ZNF239: variants seen among roughly 807,000 people sequenced by gnomAD.
The protein encoded by ZNF239 is zinc finger protein (C2H2) homologous to mouse MOK-2.
Under a neutral mutation model 27.5 loss-of-function variants are expected in ZNF239, and 16 were observed. The ratio of observed to expected loss-of-function variants is 0.58; its 90% CI spans 0.39 to 0.88. ZNF239 has a LOEUF of 0.88. Ranked by LOEUF, ZNF239 falls within the 40% of genes least tolerant of loss-of-function variation. ZNF239 has a pLI of 0.00. For synonymous variants in ZNF239, 199 were observed against 192.6 expected (o/e 1.03, Z -0.27); for missense variants, 527 against 551.9 (o/e 0.95, Z 0.45).
intron 3 of ZNF239, among the ~76,000 whole-genome samples, chr10:43,558,685 G>C (rs1287799203): frequency 6.6e-6 from 1 of 152,180 alleles, no homozygotes; most frequent in Non-Finnish European, 1.5e-5. Context: ...CTGGCCTCAA[G>C]TGATCCATCC....
At position 43,556,695 on chromosome 10, in the gene ZNF239, A is replaced by T. The variant is rs377192591; in HGVS notation, c.*8T>A. 228 of 1,610,510 alleles carry T rather than the reference A, an allele frequency of 1.4e-4. No individual in the cohort carries two copies. The highest frequency in any genetic ancestry group is 1.8e-4 in the Non-Finnish European group (217 of 1,178,132). On this transcript the variant is annotated 3_prime_UTR_variant, in exon 4 of 4. Transcript: ENST00000374446. ...AGCGCTGTGAAGACCTGAATGGGCT[A>T]ATGTCAGTTAGCGAGGATCTTTCTT...
At chr10:43,558,381 T>C (rs1836962597) in intron 3 of ZNF239, among the ~76,000 whole-genome samples, 1 of 152,204 alleles carries the variant, frequency 6.6e-6, no homozygotes, top group Admixed American at 6.5e-5. Flanking sequence ...AGGAAAGTCT[T>C]CCCTAACTAA....
At position 43,570,854 on chromosome 10, in the gene ZNF239, G is replaced by A. The variant is rs569414483; in HGVS notation, c.-216+2783C>T. ...TTTTTAAGGTCCTCAAGATAAAATG[G>A]CAGGCGGGACTCCATTCTGAGAAGG... On this transcript the variant is annotated intron_variant, in intron 2 of 3. Coordinates refer to ENST00000374446, the MANE Select transcript of ZNF239 (RefSeq NM_001099282.2). The A allele has an allele frequency of 1.4e-4, 142 of 985,170 alleles. No homozygotes were observed. In the African/African-American group the frequency reaches 2.3e-3, roughly 16 times the overall value. 61.0% of individuals were successfully genotyped at this position (985,170 alleles called of 1,614,324 possible). A position where few individuals can be genotyped will look rare whatever the true frequency, so the allele number is the denominator to read the frequency against.
At chr10:43,568,469 T>A in intron 2 of ZNF239, 9 of 985,226 alleles carry the variant, frequency 9.1e-6, no homozygotes, top group Non-Finnish European at 1.1e-5. Flanking sequence ...GTCCACTACC[T>A]GGACCCCTCT....
intron 2 of ZNF239, among the ~76,000 whole-genome samples, chr10:43,572,023 A>G (rs1263817111): frequency 6.6e-6 from 1 of 152,224 alleles, no homozygotes; most frequent in Non-Finnish European, 1.5e-5. Context: ...ACAGTTCATA[A>G]GGGCGAAGTG....
At chr10:43,570,201 A>G (rs991132138) in intron 2 of ZNF239, 3 of 985,246 alleles carry the variant, frequency 3.0e-6, no homozygotes, top group Non-Finnish European at 3.6e-6. Context: ...GGGAAGGATG[A>G]GGGTAAAGAT....
chr10:43,561,306 C>T (rs1403992614), intron 3 of ZNF239, among the ~76,000 whole-genome samples: 1 of 151,554 alleles, frequency 6.6e-6, no homozygotes, highest in Non-Finnish European at 1.5e-5. Flanking sequence ...ACTAAACATA[C>T]TCTTTTAAAC....
chr10:43,557,013 A>C lies in ZNF239; in HGVS notation c.1067T>G (p.Phe356Cys). The C allele has an allele frequency of 6.2e-7, 1 of 1,613,978 alleles. No individual in the cohort carries two copies. Among genetic ancestry groups the C allele is most frequent in the Non-Finnish European group, 8.5e-7 (1 of 1,179,988 alleles). The change falls in exon 4 of 4, where the codon TTC (phenylalanine) becomes TGC (cysteine). Residue 356 changes from phenylalanine to cysteine, a missense_variant. By Grantham distance (205) the Phe-to-Cys change is radical. Transcript: ENST00000374446. ...AATGTGAAGGTTCGAGCTCTGACTG[A>C]AGCCCTTCCCACACTCACCACACTT... is the stretch of plus-strand genomic sequence containing the variant. ...PYKCGECGKGFSQSSNLHIHR... is the reference protein window; with the variant it reads ...PYKCGECGKGCSQSSNLHIHR...
chr10:43,568,447 T>A, intron 2 of ZNF239: 4 of 985,408 alleles, frequency 4.1e-6, no homozygotes, highest in Non-Finnish European at 4.8e-6. Flanking sequence ...GTAATAACCA[T>A]AATCGGGACT....
At chr10:43,569,812 T>A (rs1837919955) in intron 2 of ZNF239, among the ~76,000 whole-genome samples, 1 of 152,170 alleles carries the variant, frequency 6.6e-6, no homozygotes, top group Admixed American at 6.5e-5. Flanking sequence ...CATGACTGCA[T>A]CCCCAAGACC....
rs1836789411 is a variant in ZNF239, at chr10:43,556,974, T to A, written c.1106A>T (p.His369Leu). Residue 369 changes from histidine (H) to leucine (L), a missense_variant, in exon 4 of 4, where the codon CAC becomes CTC. By Grantham distance (99) the His-to-Leu change is moderately conservative. Transcript: ENST00000374446. ...SSNLHIHRCI[H>L]TGEKPYQCYE... ...GCATTGGTAAGGCTTCTCTCCTGTG[T>A]GGATGCACCGGTGAATGTGAAGGTT... 1 of 1,613,958 alleles carries A rather than the reference T, an allele frequency of 6.2e-7. No homozygotes were observed. The highest frequency in any genetic ancestry group is 1.3e-5 in the African/African-American group (1 of 74,866).
chr10:43,566,505 C>G (rs1252400797), intron 3 of ZNF239, among the ~76,000 whole-genome samples: 1 of 152,144 alleles, frequency 6.6e-6, no homozygotes, highest in African/African-American at 2.4e-5. Flanking sequence ...AGGCTGGTCT[C>G]AAACTCATGA....
At chr10:43,559,871 A>C (rs1261115410) in intron 3 of ZNF239, among the ~76,000 whole-genome samples, 1 of 152,138 alleles carries the variant, frequency 6.6e-6, no homozygotes, top group African/African-American at 2.4e-5. Flanking sequence ...TAGGGGAAAA[A>C]AATGTACAGC....
chr10:43,559,700 C>T (rs1425225322), intron 3 of ZNF239, among the ~76,000 whole-genome samples: 1 of 152,058 alleles, frequency 6.6e-6, no homozygotes, highest in Non-Finnish European at 1.5e-5. Flanking sequence ...AAAACCCTCC[C>T]CGAGACTTAA....
intron 2 of ZNF239, 193 bp from the exon 3 acceptor site, chr10:43,568,214 A>G: frequency 1.0e-6 from 1 of 985,420 alleles, no homozygotes; most frequent in Non-Finnish European, 1.2e-6. Flanking sequence ...CTTCCATCCA[A>G]ATCATTTCCC....
intron 3 of ZNF239, among the ~76,000 whole-genome samples, chr10:43,566,062 C>A (rs549680270): frequency 7.2e-5 from 11 of 152,124 alleles, no homozygotes; most frequent in Admixed American, 2.0e-4. Flanking sequence ...TCCAAGTGGG[C>A]AATTTTGGTA....
At chr10:43,565,463 A>AT (rs2132275326) in intron 3 of ZNF239, among the ~76,000 whole-genome samples, 1 of 152,212 alleles carries the variant, frequency 6.6e-6, no homozygotes, top group Non-Finnish European at 1.5e-5. Context: ...TTCATACTTA[A>AT]TTTTTCTACA....
In ZNF239 at chr10:43,557,473, C is replaced by A; in HGVS notation, c.607G>T (p.Ala203Ser). The change falls in exon 4 of 4, where the codon GCA (alanine) becomes TCA (serine). Residue 203 changes from alanine (A) to serine (S), a missense_variant. Coordinates refer to ENST00000374446, the MANE Select transcript of ZNF239 (RefSeq NM_001099282.2). ...TGACTACATTCGTATTGTTTCTCTG[C>A]AGTGTGGATTTTCTCATATGGATGA... ...DGHPYEKIHT[A>S]EKQYECSQCG... 6.2e-7 allele frequency: 1 copy of A among 1,614,114 alleles called. No individual in the cohort carries two copies. The highest frequency in any genetic ancestry group is 8.5e-7 in the Non-Finnish European group (1 of 1,179,988).
At position 43,574,543 on chromosome 10, in the gene ZNF239, C is replaced by T. The variant is rs912703213; in HGVS notation, c.-260G>A. 6.6e-6 allele frequency: 1 copy of T among 152,356 alleles called. No homozygotes were observed. Among genetic ancestry groups the T allele is most frequent in the Non-Finnish European group, 1.5e-5 (1 of 68,128 alleles). The allele number at this position is 152,356 out of a possible 1,614,324, so 9.4% of individuals were successfully genotyped here. ...GGGGAAGCCCGGCCAGTCTCACCTC[C>T]CACGTGGAACCCCACGCCTGCAGGG... On this transcript the variant is annotated 5_prime_UTR_variant, in exon 1 of 4. Coordinates refer to ENST00000374446, the MANE Select transcript of ZNF239 (RefSeq NM_001099282.2).
Sources: gnomAD v4.1 joint callset for allele counts (sites outside exome capture counted in the v4.1 genomes callset) on GRCh38, gnomAD v4.1.1 for gene constraint, MANE v1.5 for transcripts, NCBI Gene and HGNC (gene_info 2026-07-23, HGNC 2026-07-21) for gene names.